Variants in NEDD9 observed in about 807,000 individuals in gnomAD.
NEDD9 encodes enhancer of filamentation 1.
A neutral mutation model predicts 76.6 loss-of-function variants in NEDD9; 26 were observed. The observed-to-expected ratio is 0.34, with a 90% CI of 0.25 to 0.47. The LOEUF (loss-of-function observed/expected upper bound fraction) is 0.47. Among genes scored for constraint, NEDD9 ranks in the 20% least tolerant of loss-of-function variants. The probability of loss-of-function intolerance (pLI) is 1.00; values close to 1 mark genes in which losing one functional copy is unlikely to be tolerated. For missense variants in NEDD9, 937 were observed against 1,058.5 expected, an observed-to-expected ratio of 0.89 and a Z score of 1.59; for synonymous variants, 392 against 414.2, an observed-to-expected ratio of 0.95 and a Z score of 0.65.
At chr6:11,337,769 G>C (rs1282775808) in intron 1 of NEDD9, among the ~76,000 whole-genome samples, 1 of 152,214 alleles carries the variant, frequency 6.6e-6, no homozygotes, top group Non-Finnish European at 1.5e-5. Flanking sequence ...GGAGGGAAGA[G>C]CAGGGGATCT....
At chr6:11,270,967 C>T (rs757476726) in intron 3 of NEDD9, among the ~76,000 whole-genome samples, 2 of 152,202 alleles carry the variant, frequency 1.3e-5, no homozygotes, top group Admixed American at 1.3e-4. Flanking sequence ...TCCCAGGTGA[C>T]GGCACAGGCA....
chr6:11,304,198 A>G (rs1367779037), intron 3 of NEDD9, among the ~76,000 whole-genome samples: 1 of 152,264 alleles, frequency 6.6e-6, no homozygotes, highest in South Asian at 2.1e-4. Flanking sequence ...GCCAACAGAC[A>G]TATGAAAAAA....
chr6:11,230,256 C>A (rs1357292630), intron 1 of NEDD9, among the ~76,000 whole-genome samples: 1 of 152,174 alleles, frequency 6.6e-6, no homozygotes, highest in African/African-American at 2.4e-5. Context: ...AAAACACTGG[C>A]CATATTTTAG....
chr6:11,267,520 T>C (rs1445355417), intron 3 of NEDD9, among the ~76,000 whole-genome samples: 1 of 152,244 alleles, frequency 6.6e-6, no homozygotes, highest in African/African-American at 2.4e-5. Context: ...ATAGAATATT[T>C]TGATATTAGA....
chr6:11,324,170 C>T (rs1761873573), intron 2 of NEDD9, among the ~76,000 whole-genome samples: 1 of 152,196 alleles, frequency 6.6e-6, no homozygotes, highest in Non-Finnish European at 1.5e-5. Context: ...ATTCCCTTGC[C>T]TTCATTTTGT....
chr6:11,201,361 T>G (rs1758450405), intron 2 of NEDD9, among the ~76,000 whole-genome samples: 1 of 152,244 alleles, frequency 6.6e-6, no homozygotes, highest in Non-Finnish European at 1.5e-5. Context: ...TGTTTTGCTA[T>G]GTTTCCTTCT....
chr6:11,274,875 A>G (rs1760386017), intron 3 of NEDD9, among the ~76,000 whole-genome samples: 1 of 152,212 alleles, frequency 6.6e-6, no homozygotes, highest in South Asian at 2.1e-4. Flanking sequence ...CTAGATATAT[A>G]CACACTTCTA....
chr6:11,315,811 T>C (rs1245150056), intron 2 of NEDD9, among the ~76,000 whole-genome samples: 1 of 152,206 alleles, frequency 6.6e-6, no homozygotes, highest in Non-Finnish European at 1.5e-5. Flanking sequence ...TGTTAGGGCA[T>C]CCAAATATGC....
At position 11,243,608 on chromosome 6, in the gene NEDD9, C is replaced by T. The variant is rs1459825006; in HGVS notation, c.13-29881G>A. 2.6e-5 allele frequency among the ~76,000 whole-genome samples: 4 copies of T among 152,226 alleles called. No individual in the cohort carries two copies. In the East Asian group the frequency reaches 7.7e-4, roughly 29 times the overall value. On this transcript the variant is annotated intron_variant, in intron 3 of 3. Transcript: ENST00000397378. Reference sequence around the variant, plus strand: ...AACTCCTGAAACTCCTTGTTATTTCCCCTGTTATGAAATCAACTCCTTCGG... The same window carrying T: ...AACTCCTGAAACTCCTTGTTATTTCTCCTGTTATGAAATCAACTCCTTCGG...
intron 2 of NEDD9, among the ~76,000 whole-genome samples, chr6:11,319,886 G>A (rs370175776): frequency 6.6e-6 from 1 of 151,682 alleles, no homozygotes; most frequent in Admixed American, 6.5e-5. Context: ...ATGCACACAT[G>A]CACACAAAGT....
At chr6:11,233,803 G>A (rs756123669), upstream of NEDD9, among the ~76,000 whole-genome samples, 3 of 152,088 alleles carry the variant, frequency 2.0e-5, no homozygotes, top group Non-Finnish European at 4.4e-5. Flanking sequence ...ACTGAGACTC[G>A]GTGAATCCAG....
chr6:11,208,700 CA>C (rs2113751568), intron 2 of NEDD9, among the ~76,000 whole-genome samples: 1 of 152,172 alleles, frequency 6.6e-6, no homozygotes, highest in East Asian at 1.9e-4. Flanking sequence ...AGAGGTACAA[CA>C]AATAGTTCCA....
Position 11,185,161 on chromosome 6 carries a change from C to G in NEDD9, c.*1G>C, listed in dbSNP as rs780525224. ...CAGTCCCCTTCCTCTTTTTTTTCTT[C>G]TCAGAACGTTGCCATCTCCAGCAAA... On this transcript the variant is annotated 3_prime_UTR_variant, in exon 7 of 7. Coordinates refer to ENST00000379446, the MANE Select transcript of NEDD9 (RefSeq NM_006403.4). 1 of 1,593,962 alleles carries G rather than the reference C, an allele frequency of 6.3e-7. No individual in the cohort carries two copies. The highest frequency in any genetic ancestry group is 8.5e-7 in the Non-Finnish European group (1 of 1,170,684).
At chr6:11,263,125 A>C (rs1466929153) in intron 3 of NEDD9, among the ~76,000 whole-genome samples, 1 of 152,234 alleles carries the variant, frequency 6.6e-6, no homozygotes, top group African/African-American at 2.4e-5. Flanking sequence ...AAGCTATTAA[A>C]TATACGTTCG....
intron 2 of NEDD9, among the ~76,000 whole-genome samples, chr6:11,333,745 A>T (rs544923195): frequency 6.6e-6 from 1 of 152,302 alleles, no homozygotes; most frequent in South Asian, 2.1e-4. Flanking sequence ...TATCTACCAC[A>T]TCCTTTGAGG....
At chr6:11,233,195 TG>T, upstream of NEDD9, 1 of 517,508 alleles carries the variant, frequency 1.9e-6, no homozygotes, top group Non-Finnish European at 3.9e-6. Flanking sequence ...CTACTTTTTG[TG>T]TGTGTGTGAC....
intron 1 of NEDD9, among the ~76,000 whole-genome samples, chr6:11,366,898 A>T (rs1762780948): frequency 6.6e-6 from 1 of 152,250 alleles, no homozygotes; most frequent in South Asian, 2.1e-4. Flanking sequence ...AAAGTGAAAT[A>T]ATATGAGTCA....
chr6:11,315,256 G>A (rs1281151893), intron 2 of NEDD9, among the ~76,000 whole-genome samples: 1 of 152,168 alleles, frequency 6.6e-6, no homozygotes, highest in East Asian at 1.9e-4. Context: ...ACCACGTTGG[G>A]ATTCACACAG....
At chr6:11,269,453 G>T (rs1024768832) in intron 3 of NEDD9, among the ~76,000 whole-genome samples, 1 of 152,196 alleles carries the variant, frequency 6.6e-6, no homozygotes, top group African/African-American at 2.4e-5. Flanking sequence ...TGGCAGAGGG[G>T]ATATCACAGA....
Sources: allele counts gnomAD v4.1 joint callset (sites outside exome capture counted in the v4.1 genomes callset), GRCh38; gene constraint gnomAD v4.1.1; transcripts MANE v1.5; gene names NCBI Gene and HGNC (gene_info 2026-07-23, HGNC 2026-07-21).